UBE2E2: variants seen among roughly 807,000 people sequenced by gnomAD.
UBE2E2 encodes the protein ubiquitin conjugating enzyme E2 E2, also known as ubiquitin-conjugating enzyme E2 E2.
In UBE2E2, 6 loss-of-function variants were observed where a neutral mutation model predicts 24.7. The ratio of observed to expected loss-of-function variants is 0.24; its 90% CI spans 0.13 to 0.48. The LOEUF is 0.48. Ranked by LOEUF, UBE2E2 falls within the 20% of genes least tolerant of loss-of-function variation. The pLI is 0.99. For missense variants in UBE2E2, 169 were observed against 245.0 expected (o/e 0.69, Z 2.07); for synonymous variants, 104 against 83.6 (o/e 1.24, Z -1.33).
intron 4 of UBE2E2, among the ~76,000 whole-genome samples, chr3:23,528,897 T>C (rs956098567): frequency 6.6e-6 from 1 of 152,180 alleles, no homozygotes; most frequent in Non-Finnish European, 1.5e-5. Flanking sequence ...AGGGCAGCCC[T>C]TCTCCTCCTC....
At chr3:23,211,859 T>C (rs1034760181) in intron 2 of UBE2E2, among the ~76,000 whole-genome samples, 3 of 152,192 alleles carry the variant, frequency 2.0e-5, no homozygotes, top group Admixed American at 6.5e-5. Flanking sequence ...CCGTCACTGA[T>C]AGACTTTATG....
At chr3:23,349,097 G>A (rs1429332681) in intron 3 of UBE2E2, among the ~76,000 whole-genome samples, 1 of 152,168 alleles carries the variant, frequency 6.6e-6, no homozygotes, top group Non-Finnish European at 1.5e-5. Flanking sequence ...CAGATTTCTT[G>A]TGAACAGAGA....
intron 4 of UBE2E2, among the ~76,000 whole-genome samples, chr3:23,507,783 G>C (rs1247748327): frequency 6.6e-6 from 1 of 152,182 alleles, no homozygotes; most frequent in East Asian, 1.9e-4. Context: ...TTTGAGGGGA[G>C]AGGAAAGACA....
chr3:23,358,363 A>G (rs1299576039), intron 3 of UBE2E2, among the ~76,000 whole-genome samples: 3 of 152,200 alleles, frequency 2.0e-5, no homozygotes, highest in East Asian at 1.9e-4. Flanking sequence ...ACCAGTGGTG[A>G]TGGTTCACAA....
At chr3:23,233,386 T>C (rs1169637118) in intron 3 of UBE2E2, among the ~76,000 whole-genome samples, 1 of 152,172 alleles carries the variant, frequency 6.6e-6, no homozygotes, top group Non-Finnish European at 1.5e-5. Context: ...TGCAAACCCC[T>C]GAGATCTGAA....
rs552385184 is a variant in UBE2E2 at position 23,557,971 on chromosome 3, A to C, written c.508+25270A>C. 5.8e-4 allele frequency among the ~76,000 whole-genome samples: 89 copies of C among 152,328 alleles called. No homozygotes were observed. In the South Asian group the frequency reaches 0.018, roughly 30 times the overall value. ...TGACATCAACACACTAGGTCAGCCT[A>C]TGCGTCTAAGAGAAACATGTCAACA... On this transcript the variant is annotated intron_variant, in intron 5 of 5. Transcript: ENST00000396703.
chr3:23,333,098 G>T (rs1291505600), intron 3 of UBE2E2, among the ~76,000 whole-genome samples: 1 of 152,086 alleles, frequency 6.6e-6, no homozygotes, highest in Non-Finnish European at 1.5e-5. Context: ...TTCTTTAATA[G>T]ATCATAATTT....
intron 3 of UBE2E2, among the ~76,000 whole-genome samples, chr3:23,354,468 T>G (rs981067556): frequency 9.2e-5 from 14 of 152,184 alleles, no homozygotes; most frequent in African/African-American, 3.1e-4. Context: ...GGTGAAAATT[T>G]TCGCAACCTA....
chr3:23,447,001 T>A (rs924283386), intron 3 of UBE2E2, among the ~76,000 whole-genome samples: 10 of 152,200 alleles, frequency 6.6e-5, no homozygotes, highest in African/African-American at 2.4e-4. Flanking sequence ...AGTCCTTACA[T>A]GCTGTTTCCT....
At chr3:23,385,847 G>A (rs926569112) in intron 3 of UBE2E2, among the ~76,000 whole-genome samples, 1 of 152,148 alleles carries the variant, frequency 6.6e-6, no homozygotes, top group Non-Finnish European at 1.5e-5. Context: ...AATAAAGGAG[G>A]ACATTCCAAA....
chr3:23,307,612 C>T (rs1313596371), intron 3 of UBE2E2, among the ~76,000 whole-genome samples: 1 of 152,068 alleles, frequency 6.6e-6, no homozygotes, highest in African/African-American at 2.4e-5. Flanking sequence ...GAGTTGAGTT[C>T]AGCAAGTACT....
At chr3:23,391,713 T>C (rs1374223913) in intron 3 of UBE2E2, among the ~76,000 whole-genome samples, 2 of 152,174 alleles carry the variant, frequency 1.3e-5, no homozygotes, top group East Asian at 1.9e-4. Flanking sequence ...GAAGAGCCAG[T>C]AGCAGTGAAA....
chr3:23,234,799 G>T (rs181993591), intron 3 of UBE2E2, among the ~76,000 whole-genome samples: 11 of 152,270 alleles, frequency 7.2e-5, no homozygotes, highest in Admixed American at 5.2e-4. Context: ...TTTGTCACAG[G>T]TTAAGAATAG....
At chr3:23,364,493 C>T (rs935691763) in intron 3 of UBE2E2, among the ~76,000 whole-genome samples, 10 of 152,114 alleles carry the variant, frequency 6.6e-5, no homozygotes, top group Admixed American at 5.9e-4. Flanking sequence ...CTACTGTGAA[C>T]ACCTCTATGC....
intron 3 of UBE2E2, among the ~76,000 whole-genome samples, chr3:23,275,772 A>C (rs1288216546): frequency 6.6e-6 from 1 of 152,134 alleles, no homozygotes; most frequent in Non-Finnish European, 1.5e-5. Flanking sequence ...GGAAAGAATG[A>C]TTAGAAACTT....
At chr3:23,271,075 G>A (rs918931820) in intron 3 of UBE2E2, 51 of 455,058 alleles carry the variant, frequency 1.1e-4, no homozygotes, top group Non-Finnish European at 2.1e-4. Context: ...CACCCAAAAA[G>A]TTAAGATGAT....
intron 3 of UBE2E2, among the ~76,000 whole-genome samples, chr3:23,277,590 T>A (rs985019729): frequency 3.3e-5 from 5 of 152,246 alleles, no homozygotes; most frequent in Middle Eastern, 3.4e-3. Context: ...TTAAAAAACG[T>A]AATCATGAAA....
rs1214152134 is a variant in UBE2E2, at chr3:23,300,539, A to G, written c.227+83227A>G. Among the ~76,000 whole-genome samples, 5 of 152,250 alleles carry G rather than the reference A, an allele frequency of 3.3e-5. No homozygotes were observed. The East Asian group carries it at 9.6e-4, about 29-fold the overall frequency. On this transcript the variant is annotated intron_variant, in intron 3 of 5. Transcript: ENST00000396703. ...AAAGTATTTTATTTCTCCTTCACTT[A>G]TGAAGCTTAGTTTGGCTGGATATGA...
At chr3:23,454,074 A>G (rs1479772292) in intron 3 of UBE2E2, among the ~76,000 whole-genome samples, 3 of 152,192 alleles carry the variant, frequency 2.0e-5, no homozygotes, top group African/African-American at 4.8e-5. Flanking sequence ...TGTTAGAATC[A>G]TAGACTCCTA....
Sources: gnomAD v4.1 joint callset for allele counts (sites outside exome capture counted in the v4.1 genomes callset) on GRCh38, gnomAD v4.1.1 for gene constraint, MANE v1.5 for transcripts, NCBI Gene and HGNC (gene_info 2026-07-23, HGNC 2026-07-21) for gene names.